Variants in GRK5 observed in about 807,000 individuals in gnomAD.
GRK5 encodes the protein g protein-coupled receptor kinase GRK5.
In GRK5, 40 loss-of-function variants were observed where a neutral mutation model predicts 78.4. The ratio of observed to expected loss-of-function variants is 0.51; its 90% confidence interval spans 0.40 to 0.66. The LOEUF is 0.66. Among genes scored for constraint, GRK5 ranks in the 30% least tolerant of loss-of-function variants. The pLI, the probability that GRK5 is intolerant of heterozygous loss-of-function variation, is 0.00. For synonymous variants in GRK5, 289 were observed against 296.8 expected, an observed-to-expected ratio of 0.97 and a Z score of 0.27; for missense variants, 598 against 759.9, an observed-to-expected ratio of 0.79 and a Z score of 2.50.
At chr10:119,286,703 C>T (rs1849852755) in intron 1 of GRK5, among the ~76,000 whole-genome samples, 3 of 152,254 alleles carry the variant, frequency 2.0e-5, no homozygotes, top group Non-Finnish European at 4.4e-5. Flanking sequence ...TTGCAGCCCG[C>T]CATGCAGGCA....
At chr10:119,263,985 A>G (rs951608127) in intron 1 of GRK5, among the ~76,000 whole-genome samples, 2 of 152,146 alleles carry the variant, frequency 1.3e-5, no homozygotes, top group Non-Finnish European at 2.9e-5. Flanking sequence ...TTGATAACTA[A>G]TTGTGGGTCT....
At chr10:119,444,948 G>A (rs576522068) in intron 12 of GRK5, among the ~76,000 whole-genome samples, 12 of 152,354 alleles carry the variant, frequency 7.9e-5, no homozygotes, top group African/African-American at 2.9e-4. Flanking sequence ...GGCCCCAGGA[G>A]GGTCTGGCTC....
At chr10:119,435,416 T>C (rs536390758) in intron 8 of GRK5, among the ~76,000 whole-genome samples, 2 of 152,370 alleles carry the variant, frequency 1.3e-5, no homozygotes, top group East Asian at 3.9e-4. Flanking sequence ...CTTGAGTGCT[T>C]TGTTGCTTAG....
chr10:119,291,900 TTCC>T (rs1208271364), intron 1 of GRK5, among the ~76,000 whole-genome samples: 5 of 132,232 alleles, frequency 3.8e-5, no homozygotes. Flanking sequence ...GCTCATCTTC[TTCC>T]TCCTCCTCCT....
At chr10:119,300,652 T>C (rs188936835) in intron 1 of GRK5, among the ~76,000 whole-genome samples, 2 of 152,348 alleles carry the variant, frequency 1.3e-5, no homozygotes, top group African/African-American at 4.8e-5. Context: ...TGGGAGATGA[T>C]CTCACCTGCC....
intron 4 of GRK5, among the ~76,000 whole-genome samples, chr10:119,408,310 C>A (rs1181792189): frequency 7.6e-6 from 1 of 131,630 alleles, no homozygotes; most frequent in Non-Finnish European, 1.5e-5. Context: ...CCACTGCTCT[C>A]TATCCTGGGT....
intron 1 of GRK5, among the ~76,000 whole-genome samples, chr10:119,278,321 A>G (rs2133685342): frequency 6.6e-6 from 1 of 151,856 alleles, no homozygotes; most frequent in East Asian, 1.9e-4. Context: ...GGGGTGCTGG[A>G]CAAGCAGAAG....
At chr10:119,281,470 G>A (rs1225832283) in intron 1 of GRK5, among the ~76,000 whole-genome samples, 2 of 152,148 alleles carry the variant, frequency 1.3e-5, no homozygotes, top group Non-Finnish European at 1.5e-5. Context: ...GTGATGGCTC[G>A]TTCATTTTGG....
At chr10:119,294,734 A>G (rs1027642064) in intron 1 of GRK5, among the ~76,000 whole-genome samples, 9 of 152,156 alleles carry the variant, frequency 5.9e-5, no homozygotes, top group African/African-American at 2.2e-4. Context: ...GGCCAGTTCT[A>G]TTTTTACAAA....
intron 1 of GRK5, among the ~76,000 whole-genome samples, chr10:119,319,925 T>C (rs1239088334): frequency 1.3e-5 from 2 of 152,212 alleles, no homozygotes; most frequent in Non-Finnish European, 2.9e-5. Flanking sequence ...CTTTACCCAG[T>C]CAGCCAAGTA....
intron 9 of GRK5, 148 bp downstream of exon 9, chr10:119,436,989 C>T (rs1852933930): frequency 2.6e-6 from 2 of 762,974 alleles, no homozygotes; most frequent in East Asian, 2.9e-5. Context: ...AGACTTTCCA[C>T]TCCAGGAAGC....
At chr10:119,272,403 C>T (rs1849596896) in intron 1 of GRK5, among the ~76,000 whole-genome samples, 2 of 151,916 alleles carry the variant, frequency 1.3e-5, no homozygotes, top group African/African-American at 4.8e-5. Context: ...ATGGTGAAAC[C>T]CTGTCTCTAC....
In GRK5 at chr10:119,324,167, C is replaced by G. The variant is rs138792457; in HGVS notation, c.53-2349C>G. On this transcript the variant is annotated intron_variant, in intron 1 of 15. Transcript: ENST00000392870. Reference sequence around the variant, plus strand: ...CTGAGAATTTCTCTTGTATTCAGGGCACCCAAAATGGTGGTTTACAGAGAG... The same window carrying G: ...CTGAGAATTTCTCTTGTATTCAGGGGACCCAAAATGGTGGTTTACAGAGAG... 3.8e-3 allele frequency among the ~76,000 whole-genome samples: 575 copies of G among 152,342 alleles called. 4 individuals are homozygous for G. The highest frequency in any genetic ancestry group is 0.013 in the African/African-American group (545 of 41,596).
At chr10:119,346,895 G>A (rs2420617) in intron 2 of GRK5, among the ~76,000 whole-genome samples, 11,024 of 152,272 alleles carry the variant, frequency 0.072, 650 homozygotes, top group African/African-American at 0.15. Context: ...TCTCGGGCCC[G>A]TGTGGAGGGT....
intron 1 of GRK5, among the ~76,000 whole-genome samples, chr10:119,295,667 G>T (rs1850066944): frequency 6.6e-6 from 1 of 152,114 alleles, no homozygotes; most frequent in African/African-American, 2.4e-5. Flanking sequence ...ACCTGGATGA[G>T]ATTGGAGACT....
rs7068835 is a variant in GRK5, at chr10:119,224,568, C to G, written c.52+16599C>G. Among the ~76,000 whole-genome samples, 877 of 152,148 alleles carry G rather than the reference C, an allele frequency of 5.8e-3. 10 individuals are homozygous for G. Among genetic ancestry groups the G allele is most frequent in the African/African-American group, 0.02 (845 of 41,500 alleles). On this transcript the variant is annotated intron_variant, in intron 1 of 15. Transcript: ENST00000392870. ...GGGATTACAGGCGCCCGCCACCATG[C>G]CCGGCTAACTTTTGCATTTTTTTTT...
At chr10:119,386,821 G>A (rs1851806032) in intron 3 of GRK5, among the ~76,000 whole-genome samples, 2 of 152,226 alleles carry the variant, frequency 1.3e-5, no homozygotes, top group Admixed American at 6.5e-5. Flanking sequence ...GAACCCAGAG[G>A]AGGGAGGAGG....
chr10:119,349,361 C>A (rs538385154), intron 2 of GRK5, among the ~76,000 whole-genome samples: 1 of 152,356 alleles, frequency 6.6e-6, no homozygotes, highest in Admixed American at 6.5e-5. Context: ...CTGTGTCTGA[C>A]TCTGCCCAGT....
chr10:119,438,362 CT>C (rs1436829629), intron 9 of GRK5, among the ~76,000 whole-genome samples: 5 of 152,300 alleles, frequency 3.3e-5, no homozygotes, highest in African/African-American at 1.2e-4. Flanking sequence ...AGGGAACCCC[CT>C]GCTCGGTCCT....
Sources: gnomAD v4.1 joint callset for allele counts (sites outside exome capture counted in the v4.1 genomes callset) on GRCh38, gnomAD v4.1.1 for gene constraint, MANE v1.5 for transcripts, NCBI Gene and HGNC (gene_info 2026-07-23, HGNC 2026-07-21) for gene names.